The following BACH2 variants were observed in gnomAD, a reference collection of about 807,000 sequenced individuals.
The protein encoded by BACH2 is transcription regulator protein BACH2.
A neutral mutation model predicts 61.8 loss-of-function variants in BACH2; 5 were observed. The ratio of observed to expected loss-of-function variants is 0.08; its 90% CI spans 0.04 to 0.17. BACH2 has a LOEUF of 0.17. Ranked by LOEUF, BACH2 falls within the 10% of genes least tolerant of loss-of-function variation. The pLI is 1.00. For missense variants in BACH2, 824 were observed against 1,091.1 expected, an observed-to-expected ratio of 0.76 and a Z score of 3.45; for synonymous variants, 446 against 440.1, an observed-to-expected ratio of 1.01 and a Z score of -0.17.
chr6:90,144,453 C>T (rs972302773), intron 4 of BACH2, among the ~76,000 whole-genome samples: 2 of 152,104 alleles, frequency 1.3e-5, no homozygotes, highest in Non-Finnish European at 2.9e-5. Flanking sequence ...GAGCATTATC[C>T]CTGAGGCCAG....
chr6:90,265,263 T>A (rs1373051511), intron 2 of BACH2, among the ~76,000 whole-genome samples: 1 of 152,202 alleles, frequency 6.6e-6, no homozygotes, highest in African/African-American at 2.4e-5. Flanking sequence ...CCCTTTTTTA[T>A]AAAATCCTTC....
chr6:89,960,427 A>C (rs1177866583), intron 6 of BACH2, among the ~76,000 whole-genome samples: 3 of 152,236 alleles, frequency 2.0e-5, no homozygotes, highest in Non-Finnish European at 4.4e-5. Flanking sequence ...TGAACTAGGA[A>C]AGAAATGCTA....
chr6:90,218,855 C>T (rs1486612849), intron 3 of BACH2, among the ~76,000 whole-genome samples: 12 of 151,768 alleles, frequency 7.9e-5, no homozygotes, highest in Non-Finnish European at 1.8e-4. Context: ...TCCAGGTGAA[C>T]GAGGCCTGTC....
At chr6:89,969,849 G>GA (rs1053594096) in intron 6 of BACH2, among the ~76,000 whole-genome samples, 9 of 152,304 alleles carry the variant, frequency 5.9e-5, no homozygotes, top group African/African-American at 2.2e-4. Context: ...AGGATGGTGA[G>GA]AAAAGACTGC....
At chr6:89,960,785 G>A (rs1284919744) in intron 6 of BACH2, among the ~76,000 whole-genome samples, 3 of 152,238 alleles carry the variant, frequency 2.0e-5, no homozygotes, top group African/African-American at 7.2e-5. Context: ...CCAGAGCTTT[G>A]TTCCACAGTG....
chr6:90,293,882 C>G (rs1772256854), intron 1 of BACH2, among the ~76,000 whole-genome samples: 1 of 152,182 alleles, frequency 6.6e-6, no homozygotes, highest in Non-Finnish European at 1.5e-5. Flanking sequence ...AATTAAGCCC[C>G]TTACACAGCA....
At chr6:89,973,839 G>A (rs1393108549) in intron 6 of BACH2, among the ~76,000 whole-genome samples, 2 of 152,032 alleles carry the variant, frequency 1.3e-5, no homozygotes, top group Non-Finnish European at 2.9e-5. Context: ...GTGATCAACT[G>A]ACGTAAATTG....
At chr6:90,017,244 C>G (rs1778117606) in intron 5 of BACH2, among the ~76,000 whole-genome samples, 1 of 150,836 alleles carries the variant, frequency 6.6e-6, no homozygotes, top group Non-Finnish European at 1.5e-5. Context: ...TGGATAGTTT[C>G]TTTTCTTTTC....
chr6:90,229,912 T>C (rs1317797749), intron 3 of BACH2, among the ~76,000 whole-genome samples: 1 of 152,242 alleles, frequency 6.6e-6, no homozygotes, highest in Non-Finnish European at 1.5e-5. Flanking sequence ...GTCAGTCATC[T>C]GCTGGCTGTA....
intron 1 of BACH2, among the ~76,000 whole-genome samples, chr6:90,279,291 G>A (rs1771785244): frequency 1.3e-5 from 2 of 152,108 alleles, no homozygotes; most frequent in African/African-American, 4.8e-5. Context: ...GGGAGGCTGA[G>A]GTGGGCGGAT....
intron 6 of BACH2, among the ~76,000 whole-genome samples, chr6:89,961,255 A>G (rs1449399841): frequency 6.6e-6 from 1 of 152,236 alleles, no homozygotes; most frequent in Non-Finnish European, 1.5e-5. Context: ...TTAAAAATCC[A>G]ATTTCAATAT....
intron 6 of BACH2, among the ~76,000 whole-genome samples, chr6:89,956,426 G>A (rs561377166): frequency 1.3e-5 from 2 of 152,106 alleles, no homozygotes; most frequent in East Asian, 1.9e-4. Context: ...CCAGGGTACC[G>A]TGTCCGATGG....
intron 4 of BACH2, among the ~76,000 whole-genome samples, chr6:90,089,696 G>A (rs1256981956): frequency 1.3e-5 from 2 of 152,082 alleles, no homozygotes; most frequent in South Asian, 2.1e-4. Context: ...CCTTGACACC[G>A]ATAAATCACT....
At chr6:90,086,257 C>T (rs1781929023) in intron 5 of BACH2, among the ~76,000 whole-genome samples, 1 of 152,020 alleles carries the variant, frequency 6.6e-6, no homozygotes, top group South Asian at 2.1e-4. Flanking sequence ...GGGTTGCATC[C>T]ACCTCTGGCT....
intron 6 of BACH2, among the ~76,000 whole-genome samples, chr6:89,991,714 ATT>A (rs563299729): frequency 6.8e-6 from 1 of 147,382 alleles, no homozygotes. Flanking sequence ...TCCTTTATAG[ATT>A]TTTTTTTTTT....
chr6:90,008,873 A>AAG lies in BACH2; in HGVS notation c.-12-18_-12-17insCT, dbSNP rs1265323968. 4 of 1,608,124 alleles carry AAG rather than the reference A, an allele frequency of 2.5e-6. No homozygotes were observed. Among genetic ancestry groups the AAG allele is most frequent in the Non-Finnish European group, 3.4e-6 (4 of 1,175,958 alleles). On this transcript the variant is annotated splice_polypyrimidine_tract_variant and intron_variant, in intron 5 of 8. Transcript: ENST00000257749. The surrounding 1 kb of genome is among the most constrained non-coding windows in gnomAD (Gnocchi z 4.1). Reference sequence around the variant, plus strand: ...GTTCACACCCTGAAAGAAAGAAAGAAACAAAGAAAGAAAGAAAGAAAGGCT... The same window carrying AAG: ...GTTCACACCCTGAAAGAAAGAAAGAAAGACAAAGAAAGAAAGAAAGAAAGGCT...
At position 89,979,638 on chromosome 6, in the gene BACH2, T is replaced by C. The variant is rs146438094; in HGVS notation, c.244-27776A>G. 7.9e-5 allele frequency among the ~76,000 whole-genome samples: 12 copies of C among 152,328 alleles called. 1 individual carries two copies. The highest frequency in any genetic ancestry group is 2.6e-4 in the African/African-American group (11 of 41,574). On this transcript the variant is annotated intron_variant, in intron 6 of 8. Coordinates refer to ENST00000257749, the MANE Select transcript of BACH2 (RefSeq NM_021813.4). Reference sequence around the variant, plus strand: ...CTGTACCTTCATAGCCCTTCACTTATACCTAGACCATAGGATTAATTTCTG... The same window carrying C: ...CTGTACCTTCATAGCCCTTCACTTACACCTAGACCATAGGATTAATTTCTG...
intron 5 of BACH2, among the ~76,000 whole-genome samples, chr6:90,059,188 A>G (rs985821658): frequency 1.3e-5 from 2 of 152,272 alleles, no homozygotes; most frequent in African/African-American, 4.8e-5. Context: ...TGAACAGGCA[A>G]CCTACAGAAC....
intron 4 of BACH2, among the ~76,000 whole-genome samples, chr6:90,170,043 T>A (rs970107224): frequency 2.0e-5 from 3 of 152,232 alleles, no homozygotes; most frequent in Non-Finnish European, 4.4e-5. Flanking sequence ...TTTACTTTCT[T>A]ACTAAACAAG....
Sources: gnomAD v4.1 joint callset for allele counts (sites outside exome capture counted in the v4.1 genomes callset) on GRCh38, gnomAD v4.1.1 for gene constraint, Gnocchi (gnomAD v3.1) non-coding constraint, MANE v1.5 for transcripts, NCBI Gene and HGNC (gene_info 2026-07-23, HGNC 2026-07-21) for gene names.